Variants in NDST4 observed in about 807,000 individuals in gnomAD.
NDST4 encodes the protein N-deacetylase and N-sulfotransferase 4.
NDST4 carries 63 observed loss-of-function variants against 100.8 expected under a neutral mutation model. That is an observed-to-expected ratio of 0.62 (90% CI 0.51 to 0.77). The LOEUF is 0.77. Ranked by LOEUF, NDST4 falls within the 30% of genes least tolerant of loss-of-function variation. The pLI, the probability that NDST4 is intolerant of heterozygous loss-of-function variation, is 0.00. For synonymous variants in NDST4, 377 were observed against 361.8 expected, an observed-to-expected ratio of 1.04 and a Z score of -0.48; for missense variants, 943 against 1,018.4, an observed-to-expected ratio of 0.93 and a Z score of 1.01.
intron 2 of NDST4, among the ~76,000 whole-genome samples, chr4:114,986,586 T>C (rs1372726555): frequency 2.6e-5 from 4 of 151,902 alleles, no homozygotes; most frequent in Non-Finnish European, 4.4e-5. Flanking sequence ...TTTCAGTTCA[T>C]AAAGATCATC....
intron 4 of NDST4, among the ~76,000 whole-genome samples, chr4:114,961,853 C>A (rs939130802): frequency 6.6e-6 from 1 of 151,912 alleles, no homozygotes; most frequent in African/African-American, 2.4e-5. Flanking sequence ...CTAGTATCAC[C>A]CTGACATCAA....
At position 115,076,290 on chromosome 4, in the gene NDST4, G is replaced by A. The variant is rs764775841; in HGVS notation, c.747C>T (p.Ser249=). The A allele has an allele frequency of 6.2e-7, 1 of 1,613,940 alleles. No individual in the cohort carries two copies. Among genetic ancestry groups the A allele is most frequent in the Non-Finnish European group, 8.5e-7 (1 of 1,179,926 alleles). The part of the protein sequence containing the change: ...QTEKSLSSLS[S]KTLFATVIQD... The stretch of plus-strand genomic sequence containing the variant: ...GAATCACCGTTGCAAAGAGTGTTTT[G>A]CTAGACAAGGATGACAGGGATTTTT... Residue 249 remains serine, a synonymous_variant, in exon 2 of 14, where the codon AGC becomes AGT. Coordinates refer to ENST00000264363, the MANE Select transcript of NDST4 (RefSeq NM_022569.3).
chr4:114,952,730 TA>T (rs1351659015), intron 4 of NDST4, among the ~76,000 whole-genome samples: 1 of 152,140 alleles, frequency 6.6e-6, no homozygotes, highest in East Asian at 1.9e-4. Context: ...ATCCTACTTG[TA>T]AAATGGGTAA....
intron 6 of NDST4, among the ~76,000 whole-genome samples, chr4:114,933,432 CTTTTTTTTTT>C (rs367931653): frequency 1.2e-4 from 11 of 89,278 alleles, no homozygotes; most frequent in African/African-American, 2.7e-4. Context: ...TTTTCTTTTC[CTTTTTTTTTT>C]TTTTTTTTTT....
chr4:114,986,258 G>GTGTGTTCA (rs1316846737), intron 2 of NDST4, among the ~76,000 whole-genome samples: 2 of 152,152 alleles, frequency 1.3e-5, no homozygotes, highest in Non-Finnish European at 2.9e-5. Flanking sequence ...TTAAACTGCA[G>GTGTGTTCA]TGTGTTCATT....
intron 7 of NDST4, among the ~76,000 whole-genome samples, chr4:114,866,603 C>T (rs1464104728): frequency 1.3e-5 from 2 of 152,118 alleles, no homozygotes; most frequent in East Asian, 3.9e-4. Flanking sequence ...TTGTACTATG[C>T]TAGGTTCCAG....
At chr4:115,111,970 T>C (rs1350317145) in intron 1 of NDST4, among the ~76,000 whole-genome samples, 2 of 151,864 alleles carry the variant, frequency 1.3e-5, no homozygotes, top group Non-Finnish European at 1.5e-5. Flanking sequence ...GAGATAAATG[T>C]AAATGGCAAT....
At position 114,835,879 on chromosome 4, in the gene NDST4, CT is replaced by C. The variant is rs1156655912; in HGVS notation, c.2287-2165del. Among the ~76,000 whole-genome samples, 7 of 152,134 alleles carry C rather than the reference CT, an allele frequency of 4.6e-5. No individual in the cohort carries two copies. In the East Asian group the frequency reaches 1.3e-3, roughly 29 times the overall value. On this transcript the variant is annotated intron_variant, in intron 11 of 13. Transcript: ENST00000264363. ...ACTGTTATTTAATGCCCTTCTTTGT[CT>C]TTTTGGATCTTTGTTAGTTTAAAGT...
At chr4:114,837,034 C>T (rs529251574) in intron 11 of NDST4, among the ~76,000 whole-genome samples, 1 of 152,234 alleles carries the variant, frequency 6.6e-6, no homozygotes, top group South Asian at 2.1e-4. Context: ...TTACCAAGTG[C>T]TTAGCTTCCT....
At chr4:114,891,759 A>G (rs1342293310) in intron 6 of NDST4, among the ~76,000 whole-genome samples, 1 of 152,108 alleles carries the variant, frequency 6.6e-6, no homozygotes, top group Non-Finnish European at 1.5e-5. Context: ...TGCTTTCAGT[A>G]CTTTCTCGTT....
At chr4:114,998,387 T>C (rs950218118) in intron 2 of NDST4, among the ~76,000 whole-genome samples, 3 of 152,072 alleles carry the variant, frequency 2.0e-5, no homozygotes, top group African/African-American at 7.2e-5. Flanking sequence ...AGAATCCAAG[T>C]TGAAAATGAA....
At chr4:115,100,782 C>T (rs1299244497) in intron 1 of NDST4, among the ~76,000 whole-genome samples, 2 of 148,146 alleles carry the variant, frequency 1.4e-5, no homozygotes, top group Non-Finnish European at 3.0e-5. Context: ...TACAATACCT[C>T]GTTTCTGACA....
chr4:114,830,600 G>A (rs112412963), intron 12 of NDST4, among the ~76,000 whole-genome samples: 105 of 152,282 alleles, frequency 6.9e-4, no homozygotes, highest in African/African-American at 2.4e-3. Flanking sequence ...GGCCTAATTT[G>A]TTTTTAAAAG....
chr4:115,043,650 G>A lies in NDST4; in HGVS notation c.978+32409C>T, dbSNP rs536930999. Among the ~76,000 whole-genome samples the A allele has an allele frequency of 9.2e-5, 14 of 152,154 alleles. No individual in the cohort carries two copies. In the South Asian group the frequency reaches 2.1e-3, roughly 23 times the overall value. Reference sequence around the variant, plus strand: ...GGTTGATTCAGAGGGCACAATAAATGTATGACTGTAGAAAAGCTACTAATT... The same window carrying A: ...GGTTGATTCAGAGGGCACAATAAATATATGACTGTAGAAAAGCTACTAATT... On this transcript the variant is annotated intron_variant, in intron 2 of 13. Transcript: ENST00000264363.
At chr4:114,890,391 A>G (rs1028281167) in intron 6 of NDST4, among the ~76,000 whole-genome samples, 2 of 152,164 alleles carry the variant, frequency 1.3e-5, no homozygotes, top group Non-Finnish European at 2.9e-5. Flanking sequence ...GCATGTTATT[A>G]AAACTTCATT....
chr4:114,873,457 C>T (rs1429703776), intron 6 of NDST4, among the ~76,000 whole-genome samples: 2 of 151,452 alleles, frequency 1.3e-5, no homozygotes, highest in Admixed American at 1.3e-4. Flanking sequence ...ATATGAAGCT[C>T]AAGTAAAATC....
chr4:114,883,087 G>T (rs1038240515), intron 6 of NDST4, among the ~76,000 whole-genome samples: 2 of 151,362 alleles, frequency 1.3e-5, no homozygotes, highest in African/African-American at 4.8e-5. Context: ...CTTGAAAAAA[G>T]AAAAGTCAGA....
intron 5 of NDST4, 104 bp downstream of exon 5, chr4:114,937,214 T>C (rs1560820914): frequency 1.7e-6 from 2 of 1,155,624 alleles, no homozygotes. Context: ...CTGATAATCA[T>C]GTAAAAGAGG....
At chr4:114,858,680 A>T (rs547806059) in intron 7 of NDST4, among the ~76,000 whole-genome samples, 9 of 152,280 alleles carry the variant, frequency 5.9e-5, no homozygotes, top group African/African-American at 2.2e-4. Flanking sequence ...TGTGTATTTG[A>T]GTCCAGGAGT....
Sources: allele counts gnomAD v4.1 joint callset (sites outside exome capture counted in the v4.1 genomes callset), GRCh38; gene constraint gnomAD v4.1.1; transcripts MANE v1.5; gene names NCBI Gene and HGNC (gene_info 2026-07-23, HGNC 2026-07-21).